Variants in MYO3B observed in about 807,000 individuals in gnomAD.
MYO3B encodes myosin IIIB, also known as myosin-IIIb.
In MYO3B, 156 loss-of-function variants were observed where a neutral mutation model predicts 174.6. The ratio of observed to expected loss-of-function variants is 0.89; its 90% CI spans 0.78 to 1.02. The LOEUF is 1.02. Ranked by LOEUF, MYO3B falls within the 50% of genes least tolerant of loss-of-function variation. MYO3B has a pLI of 0.00. For synonymous variants in MYO3B, 563 were observed against 569.1 expected (o/e 0.99, Z 0.15); for missense variants, 1,632 against 1,639.4 (o/e 1.00, Z 0.08).
chr2:170,652,241 G>T, intron 34 of MYO3B, 87 bp downstream of exon 34: 1 of 1,229,362 alleles, frequency 8.1e-7, no homozygotes, highest in Non-Finnish European at 1.2e-6. Context: ...TTTCCAGAGA[G>T]GCTTCTAAAA....
chr2:170,199,515 T>C (rs776683241), intron 2 of MYO3B, 124 bp downstream of exon 2: 22 of 774,606 alleles, frequency 2.8e-5, no homozygotes, highest in Non-Finnish European at 4.1e-5. Context: ...AAATGGGTCA[T>C]GATTTGTCAG....
intron 7 of MYO3B, among the ~76,000 whole-genome samples, chr2:170,252,661 T>C (rs1026875753): frequency 3.3e-5 from 5 of 152,166 alleles, no homozygotes; most frequent in African/African-American, 1.2e-4. Flanking sequence ...AATAATATGC[T>C]AGGTGACAAT....
chr2:170,487,609 AT>A (rs1189081977), intron 25 of MYO3B, among the ~76,000 whole-genome samples: 4 of 152,348 alleles, frequency 2.6e-5, no homozygotes, highest in Non-Finnish European at 5.9e-5. Flanking sequence ...AAATAAAAAA[AT>A]GTTTCAGTCT....
At chr2:170,300,128 G>A (rs1292180523) in intron 7 of MYO3B, among the ~76,000 whole-genome samples, 1 of 152,198 alleles carries the variant, frequency 6.6e-6, no homozygotes, top group Non-Finnish European at 1.5e-5. Context: ...CAGTATTCTG[G>A]CTTTCTTCTT....
intron 17 of MYO3B, among the ~76,000 whole-genome samples, chr2:170,400,654 C>G (rs527828277): frequency 4.2e-5 from 6 of 141,616 alleles, no homozygotes; most frequent in Admixed American, 6.9e-5. Context: ...CCACCCCCCC[C>G]CCCTCGGCCT....
At chr2:170,380,539 A>T (rs747733569) in intron 9 of MYO3B, among the ~76,000 whole-genome samples, 1 of 152,194 alleles carries the variant, frequency 6.6e-6, no homozygotes, top group Non-Finnish European at 1.5e-5. Flanking sequence ...TCTTCTAGCC[A>T]ATGCTTTCCT....
chr2:170,354,623 C>T (rs78646112), intron 8 of MYO3B, among the ~76,000 whole-genome samples: 6,755 of 152,294 alleles, frequency 0.044, 210 homozygotes, highest in Non-Finnish European at 0.065. Context: ...CCCCCTCCCC[C>T]TTCTTTCCCA....
intron 29 of MYO3B, among the ~76,000 whole-genome samples, chr2:170,515,439 T>A (rs1688247396): frequency 6.6e-6 from 1 of 152,156 alleles, no homozygotes; most frequent in Admixed American, 6.5e-5. Flanking sequence ...GGTATATAGA[T>A]CTCAGACTGA....
intron 7 of MYO3B, among the ~76,000 whole-genome samples, chr2:170,318,358 A>G (rs189690973): frequency 6.6e-6 from 1 of 152,224 alleles, no homozygotes; most frequent in Admixed American, 6.5e-5. Flanking sequence ...ACTACTTTCT[A>G]AATTATTCCA....
At chr2:170,403,091 A>G (rs2094488593) in intron 19 of MYO3B, 96 bp downstream of exon 19, 3 of 1,237,058 alleles carry the variant, frequency 2.4e-6, no homozygotes, top group Admixed American at 2.2e-5. Flanking sequence ...CTAACAACTA[A>G]AAGACCCTAG....
chr2:170,414,033 C>G lies in MYO3B; in HGVS notation c.2650+6189C>G, dbSNP rs564752464. ...CAAGCCTGGGTGACAGAGCGAGACTCCATCTCAAAAAAATAAATAAATAAA... is the reference window on the plus strand; with the variant it reads ...CAAGCCTGGGTGACAGAGCGAGACTGCATCTCAAAAAAATAAATAAATAAA... On this transcript the variant is annotated intron_variant, in intron 22 of 34. Transcript: ENST00000408978. 7.8e-4 allele frequency among the ~76,000 whole-genome samples: 118 copies of G among 152,082 alleles called. 1 individual carries two copies. The South Asian group carries it at 0.024, about 31-fold the overall frequency.
At chr2:170,259,949 G>C (rs2093332763) in intron 7 of MYO3B, among the ~76,000 whole-genome samples, 1 of 150,488 alleles carries the variant, frequency 6.6e-6, no homozygotes, top group Non-Finnish European at 1.5e-5. Context: ...CACACAAGCA[G>C]CCAACAAACA....
chr2:170,213,422 C>G (rs548260696), intron 3 of MYO3B, among the ~76,000 whole-genome samples: 4 of 152,050 alleles, frequency 2.6e-5, no homozygotes, highest in South Asian at 2.1e-4. Context: ...CAGAACAGAC[C>G]GGGAAGTTTC....
At chr2:170,507,892 A>G (rs1436629899) in intron 28 of MYO3B, among the ~76,000 whole-genome samples, 2 of 152,214 alleles carry the variant, frequency 1.3e-5, no homozygotes, top group East Asian at 3.8e-4. Flanking sequence ...TCTCTTTGGC[A>G]CAAACGATAG....
chr2:170,217,449 A>T, intron 6 of MYO3B, 54 bp downstream of exon 6: 1 of 1,397,464 alleles, frequency 7.2e-7, no homozygotes, highest in Non-Finnish European at 1.0e-6. Context: ...CCTTGGTACT[A>T]TGCCTTTTTA....
chr2:170,198,346 G>A (rs1411229158), intron 1 of MYO3B, among the ~76,000 whole-genome samples: 2 of 152,146 alleles, frequency 1.3e-5, no homozygotes, highest in Non-Finnish European at 2.9e-5. Flanking sequence ...ATAGCTTCCT[G>A]CCAATGGGCA....
At chr2:170,542,442 G>A (rs1165901168) in intron 30 of MYO3B, among the ~76,000 whole-genome samples, 1 of 152,168 alleles carries the variant, frequency 6.6e-6, no homozygotes, top group Non-Finnish European at 1.5e-5. Flanking sequence ...AATTTTAAAA[G>A]ATTATTCCTG....
At chr2:170,209,560 AGCACCTGTCAGAGTCCTGTG>A (rs1475383921) in intron 3 of MYO3B, among the ~76,000 whole-genome samples, 2 of 152,156 alleles carry the variant, frequency 1.3e-5, no homozygotes, top group South Asian at 4.1e-4. Context: ...TGTATTTGAG[AGCACCTGTCAGAGTCCTGTG>A]GCACCTGTCA....
intron 9 of MYO3B, among the ~76,000 whole-genome samples, chr2:170,377,638 G>A (rs1026028539): frequency 6.6e-6 from 1 of 152,170 alleles, no homozygotes; most frequent in African/African-American, 2.4e-5. Context: ...CCAGGAACCA[G>A]TCCAAGCCAA....
Sources: allele counts gnomAD v4.1 joint callset (sites outside exome capture counted in the v4.1 genomes callset), GRCh38; gene constraint gnomAD v4.1.1; transcripts MANE v1.5; gene names NCBI Gene and HGNC (gene_info 2026-07-23, HGNC 2026-07-21).